Variants in RNFT2 observed in about 807,000 individuals in gnomAD.
RNFT2 encodes ring finger protein, transmembrane 2, also known as E3 ubiquitin-protein ligase RNFT2.
RNFT2 carries 36 observed loss-of-function variants against 53.0 expected under a neutral mutation model. The ratio of observed to expected loss-of-function variants is 0.68; its 90% CI spans 0.52 to 0.90. The LOEUF is 0.90. Among genes scored for constraint, RNFT2 ranks in the 40% least tolerant of loss-of-function variants. The pLI is 0.00. For missense variants in RNFT2, 514 were observed against 585.6 expected (o/e 0.88, Z 1.26); for synonymous variants, 260 against 253.2 (o/e 1.03, Z -0.26).
Position 116,852,998 on chromosome 12 carries a change from CAG to C in RNFT2, c.*3551_*3552del. On this transcript the variant is annotated 3_prime_UTR_variant, in exon 11 of 11. Transcript: ENST00000257575. Reference sequence around the variant, plus strand: ...AAGAATGTAACATGTGGGGGACACACAGGGGCAGATGGGATGGTTTAGTTTAG... The same window carrying C: ...AAGAATGTAACATGTGGGGGACACACGGGCAGATGGGATGGTTTAGTTTAG... 2.0e-6 allele frequency: 1 copy of C among 497,774 alleles called. No individual in the cohort carries two copies. The highest frequency in any genetic ancestry group is 3.5e-6 in the Non-Finnish European group (1 of 285,654). 30.8% of individuals were successfully genotyped at this position (497,774 alleles called of 1,614,324 possible). A position where few individuals can be genotyped will look rare whatever the true frequency, so the allele number is the denominator to read the frequency against.
At chr12:116,791,786 A>G (rs74619534) in intron 7 of RNFT2, among the ~76,000 whole-genome samples, 1,815 of 152,310 alleles carry the variant, frequency 0.012, 44 homozygotes, top group African/African-American at 0.042. Flanking sequence ...TGGTAAATAC[A>G]TAGGCAGAGA....
chr12:116,849,276 T>TA (rs958261663), intron 10 of RNFT2, 38 bp from the exon 11 acceptor site: 2 of 1,486,166 alleles, frequency 1.3e-6, no homozygotes, highest in African/African-American at 2.8e-5. Flanking sequence ...AGACGCTCAG[T>TA]AAAGAGTCCT....
intron 7 of RNFT2, among the ~76,000 whole-genome samples, chr12:116,832,148 A>AAAATATATATATATAT (rs1555209702): frequency 3.6e-5 from 2 of 55,176 alleles, no homozygotes; most frequent in Admixed American, 2.7e-4. Context: ...AAAAAAAAAA[A>AAAATATATATATATAT]ATATATATAT....
intron 7 of RNFT2, among the ~76,000 whole-genome samples, chr12:116,830,147 C>T (rs566336582): frequency 2.3e-4 from 35 of 152,236 alleles, no homozygotes; most frequent in African/African-American, 7.9e-4. Flanking sequence ...ATTCCTCTTC[C>T]CCTAATGTTG....
At chr12:116,821,041 A>T (rs1309240537) in intron 7 of RNFT2, among the ~76,000 whole-genome samples, 2 of 152,088 alleles carry the variant, frequency 1.3e-5, no homozygotes, top group Admixed American at 1.3e-4. Context: ...TACCTACAAG[A>T]GGAGCAATTG....
At chr12:116,746,281 G>A (rs1034530648) in intron 3 of RNFT2, among the ~76,000 whole-genome samples, 8 of 152,118 alleles carry the variant, frequency 5.3e-5, no homozygotes. Flanking sequence ...AACTTCAGGT[G>A]CTGGGGCCCA....
chr12:116,794,162 G>A (rs1339381454), intron 7 of RNFT2, among the ~76,000 whole-genome samples: 2 of 152,146 alleles, frequency 1.3e-5, no homozygotes, highest in African/African-American at 4.8e-5. Flanking sequence ...CTATTTAGGA[G>A]GCTGAGGTGG....
At chr12:116,755,420 T>G (rs1431378033) in intron 5 of RNFT2, 7 of 1,119,640 alleles carry the variant, frequency 6.3e-6, no homozygotes, top group Non-Finnish European at 9.6e-6. Flanking sequence ...GGGAATAGGT[T>G]CCAGCAGCTC....
chr12:116,762,064 C>CA (rs796440574), intron 5 of RNFT2, among the ~76,000 whole-genome samples: 74,522 of 121,394 alleles, frequency 0.61, 24,888 homozygotes, highest in Non-Finnish European at 0.75. Flanking sequence ...GAGACTGTCT[C>CA]AAAAAAAAAA....
Position 116,851,049 on chromosome 12 carries a change from T to C in RNFT2, c.*1601T>C, listed in dbSNP as rs1877902696. ...GCAGCATCCTGCTTGGATTACGTGC[T>C]GTCATCCTCACAACAGCCCTGTGAT... On this transcript the variant is annotated 3_prime_UTR_variant, in exon 11 of 11. Transcript: ENST00000257575. The C allele has an allele frequency of 6.6e-6, 1 of 152,286 alleles. No individual in the cohort carries two copies. The highest frequency in any genetic ancestry group is 1.9e-4 in the East Asian group (1 of 5,158). The allele number at this position is 152,286 out of a possible 1,614,324, so 9.4% of individuals were successfully genotyped here.
intron 8 of RNFT2, 68 bp downstream of exon 8, chr12:116,834,009 G>A: frequency 7.1e-7 from 1 of 1,411,244 alleles, no homozygotes; most frequent in Non-Finnish European, 9.3e-7. Context: ...GCCTCAGGGG[G>A]CTCCTGGGCA....
intron 3 of RNFT2, among the ~76,000 whole-genome samples, chr12:116,746,947 A>G (rs1328478289): frequency 6.6e-6 from 1 of 152,194 alleles, no homozygotes; most frequent in African/African-American, 2.4e-5. Flanking sequence ...TCCCTGGTAT[A>G]AAATGGCTAG....
intron 4 of RNFT2, among the ~76,000 whole-genome samples, chr12:116,751,105 G>C (rs905677944): frequency 6.0e-5 from 9 of 150,206 alleles, no homozygotes; most frequent in African/African-American, 2.2e-4. Context: ...TCATAGAGTC[G>C]AAGTCTCACT....
intron 7 of RNFT2, among the ~76,000 whole-genome samples, chr12:116,828,150 T>C (rs1876441488): frequency 6.6e-6 from 1 of 152,176 alleles, no homozygotes; most frequent in South Asian, 2.1e-4. Flanking sequence ...ATCTTTTCCT[T>C]CACCTCTTGG....
chr12:116,797,870 C>T (rs1234158013), intron 7 of RNFT2, among the ~76,000 whole-genome samples: 1 of 152,148 alleles, frequency 6.6e-6, no homozygotes, highest in Non-Finnish European at 1.5e-5. Flanking sequence ...AAGGGGTAGT[C>T]ACTTTTGGGT....
chr12:116,752,606 G>A (rs1468157995), intron 4 of RNFT2, among the ~76,000 whole-genome samples: 1 of 152,124 alleles, frequency 6.6e-6, no homozygotes, highest in Non-Finnish European at 1.5e-5. Flanking sequence ...GACCAGGTAC[G>A]GTGGCTCACG....
chr12:116,758,400 GT>G (rs1190167825), intron 5 of RNFT2, among the ~76,000 whole-genome samples: 1 of 151,996 alleles, frequency 6.6e-6, no homozygotes, highest in Non-Finnish European at 1.5e-5. Flanking sequence ...TTCATTTTTT[GT>G]TTTTGCTTTT....
intron 5 of RNFT2, among the ~76,000 whole-genome samples, chr12:116,765,269 G>A (rs1311477304): frequency 1.3e-5 from 2 of 152,164 alleles, no homozygotes; most frequent in Non-Finnish European, 1.5e-5. Context: ...AGTAAAAAGA[G>A]CTGCCAGGTG....
intron 7 of RNFT2, among the ~76,000 whole-genome samples, chr12:116,800,120 C>G (rs963987219): frequency 3.3e-5 from 5 of 152,168 alleles, no homozygotes; most frequent in Non-Finnish European, 7.3e-5. Context: ...GAAGCTTCAC[C>G]AGAGGCCGAG....
Sources: gnomAD v4.1 joint callset for allele counts (sites outside exome capture counted in the v4.1 genomes callset) on GRCh38, gnomAD v4.1.1 for gene constraint, MANE v1.5 for transcripts, NCBI Gene and HGNC (gene_info 2026-07-23, HGNC 2026-07-21) for gene names.